The following EIPR1 variants were observed in gnomAD, a reference collection of about 807,000 sequenced individuals.
The protein encoded by EIPR1 is EARP and GARP complex-interacting protein 1.
A neutral mutation model predicts 48.1 loss-of-function variants in EIPR1; 25 were observed. The ratio of observed to expected loss-of-function variants is 0.52; its 90% CI spans 0.38 to 0.73. EIPR1 has a LOEUF of 0.73. EIPR1 is among the 30% of genes least tolerant of loss of function. The pLI, the probability that EIPR1 is intolerant of heterozygous loss-of-function variation, is 0.00. For synonymous variants in EIPR1, 204 were observed against 201.9 expected (o/e 1.01, Z -0.09); for missense variants, 415 against 506.2 (o/e 0.82, Z 1.73).
At position 3,304,177 on chromosome 2, in the gene EIPR1, C is replaced by T. The variant is rs531536205; in HGVS notation, c.259+33840G>A. Among the ~76,000 whole-genome samples the T allele has an allele frequency of 3.3e-5, 5 of 152,286 alleles. No individual in the cohort carries two copies. The South Asian group carries it at 6.2e-4, about 19-fold the overall frequency. ...CAGAGATGATCTTCCCAAGACCCCA[C>T]GGAGCGCCACGCAAGGCTGCAGAGA... On this transcript the variant is annotated intron_variant, in intron 3 of 8. Transcript: ENST00000382125.
intron 4 of EIPR1, among the ~76,000 whole-genome samples, chr2:3,255,450 T>C (rs1474239113): frequency 1.3e-5 from 2 of 152,246 alleles, no homozygotes; most frequent in Admixed American, 6.5e-5. Context: ...CCCAAAGTGC[T>C]GGGATTACAG....
intron 3 of EIPR1, among the ~76,000 whole-genome samples, chr2:3,279,722 T>C (rs1474632984): frequency 2.0e-5 from 3 of 152,262 alleles, no homozygotes; most frequent in African/African-American, 7.2e-5. Flanking sequence ...CCTGCTCATC[T>C]GTGCAACTGC....
intron 3 of EIPR1, among the ~76,000 whole-genome samples, chr2:3,295,368 T>TGC (rs1668528027): frequency 4.7e-5 from 2 of 42,782 alleles, no homozygotes; most frequent in Non-Finnish European, 8.7e-5. Context: ...ATCCTCTCTC[T>TGC]ACACACCCTC....
chr2:3,214,690 T>C (rs1665571675), intron 4 of EIPR1, among the ~76,000 whole-genome samples: 1 of 152,158 alleles, frequency 6.6e-6, no homozygotes, highest in Admixed American at 6.5e-5. Flanking sequence ...ACGTACTTTA[T>C]AAGAAAGTGC....
chr2:3,210,393 CAG>C (rs1450232561), intron 5 of EIPR1, among the ~76,000 whole-genome samples: 1 of 152,142 alleles, frequency 6.6e-6, no homozygotes, highest in Non-Finnish European at 1.5e-5. Context: ...CACCAGGCTG[CAG>C]AGAGGCTGGG....
At chr2:3,202,138 C>A (rs956617142) in intron 5 of EIPR1, among the ~76,000 whole-genome samples, 1 of 152,074 alleles carries the variant, frequency 6.6e-6, no homozygotes, top group Non-Finnish European at 1.5e-5. Context: ...GGGGTTTCAC[C>A]ATGTTAGCCA....
In EIPR1 at chr2:3,320,011, C is replaced by T. The variant is rs72493319; in HGVS notation, c.259+18006G>A. ...ATACCACACCTGCGGGCAACACCAC[C>T]CCTGAGGCAGAGCAATACTGCACCT... On this transcript the variant is annotated intron_variant, in intron 3 of 8. Transcript: ENST00000382125. 683 of 155,848 alleles carry T rather than the reference C, an allele frequency of 4.4e-3. 19 individuals carry two copies. The highest frequency in any genetic ancestry group is 0.023 in the East Asian group (94 of 4,130). The allele number at this position is 155,848 out of a possible 1,614,324, so 9.7% of individuals were successfully genotyped here.
At chr2:3,216,786 T>G (rs766537106) in intron 4 of EIPR1, among the ~76,000 whole-genome samples, 38 of 152,216 alleles carry the variant, frequency 2.5e-4, no homozygotes, top group Non-Finnish European at 5.0e-4. Context: ...GTTGATGAAT[T>G]CTAAGTCAGA....
At chr2:3,269,134 TC>T (rs1338512238) in intron 3 of EIPR1, among the ~76,000 whole-genome samples, 5 of 152,152 alleles carry the variant, frequency 3.3e-5, no homozygotes, top group African/African-American at 1.2e-4. Context: ...GCACTGCACA[TC>T]CAAAAATGCG....
chr2:3,373,676 A>T (rs1659770514), intron 1 of EIPR1, among the ~76,000 whole-genome samples: 1 of 152,170 alleles, frequency 6.6e-6, no homozygotes, highest in African/African-American at 2.4e-5. Context: ...TGCAAGGCAC[A>T]TGAAGGACCT....
chr2:3,299,601 T>TG (rs1668704448), intron 3 of EIPR1, among the ~76,000 whole-genome samples: 1 of 137,004 alleles, frequency 7.3e-6, no homozygotes, highest in African/African-American at 2.9e-5. Flanking sequence ...AAGGAAAATA[T>TG]TTTCTCTCTC....
intron 5 of EIPR1, among the ~76,000 whole-genome samples, chr2:3,207,406 C>T (rs1665275187): frequency 6.6e-6 from 1 of 152,226 alleles, no homozygotes; most frequent in African/African-American, 2.4e-5. Flanking sequence ...GTACTCTGTG[C>T]ACCTTCCCAC....
chr2:3,342,726 A>AG (rs1356927695), intron 2 of EIPR1, among the ~76,000 whole-genome samples: 1 of 152,228 alleles, frequency 6.6e-6, no homozygotes, highest in African/African-American at 2.4e-5. Flanking sequence ...CACAGGGCAG[A>AG]GGGGGGATCC....
At chr2:3,238,322 C>T (rs539433117) in intron 4 of EIPR1, among the ~76,000 whole-genome samples, 30 of 152,310 alleles carry the variant, frequency 2.0e-4, no homozygotes, top group African/African-American at 6.5e-4. Context: ...CCACCTACAT[C>T]GGCCAGCTGG....
In EIPR1 at chr2:3,336,373, C is replaced by T. The variant is rs11891721; in HGVS notation, c.259+1644G>A. Among the ~76,000 whole-genome samples the T allele has an allele frequency of 7.0e-3, 1,064 of 152,266 alleles. 13 individuals carry two copies. Among genetic ancestry groups the T allele is most frequent in the African/African-American group, 0.025 (1,022 of 41,542 alleles). On this transcript the variant is annotated intron_variant, in intron 3 of 8. Transcript: ENST00000382125. ...GGAGGCTCTCGGACCCCCAACCTCCCGCTGGCAGGAGGTGCATAGCCACAC... is the reference window on the plus strand; with the variant it reads ...GGAGGCTCTCGGACCCCCAACCTCCTGCTGGCAGGAGGTGCATAGCCACAC...
intron 4 of EIPR1, among the ~76,000 whole-genome samples, chr2:3,246,255 C>T (rs1339168036): frequency 6.6e-6 from 1 of 152,186 alleles, no homozygotes; most frequent in African/African-American, 2.4e-5. Flanking sequence ...GGAAGGATAG[C>T]TATCAGTTCA....
chr2:3,301,747 AAAT>A (rs1436628965), intron 3 of EIPR1, among the ~76,000 whole-genome samples: 5 of 152,244 alleles, frequency 3.3e-5, no homozygotes, highest in African/African-American at 1.2e-4. Context: ...AGTAGGATAA[AAAT>A]AAAGTGACAA....
intron 1 of EIPR1, among the ~76,000 whole-genome samples, chr2:3,356,296 A>G (rs1290299089): frequency 6.6e-6 from 1 of 152,252 alleles, no homozygotes; most frequent in African/African-American, 2.4e-5. Flanking sequence ...GCTGAGAGCT[A>G]TCAGCCCCCA....
intron 3 of EIPR1, among the ~76,000 whole-genome samples, chr2:3,333,574 TA>T (rs1669959588): frequency 1.3e-5 from 2 of 151,950 alleles, no homozygotes; most frequent in African/African-American, 4.8e-5. Context: ...TCATCTCTAC[TA>T]GAAATTTTTT....
Sources: gnomAD v4.1 joint callset for allele counts (sites outside exome capture counted in the v4.1 genomes callset) on GRCh38, gnomAD v4.1.1 for gene constraint, MANE v1.5 for transcripts, NCBI Gene and HGNC (gene_info 2026-07-23, HGNC 2026-07-21) for gene names.